Variants in LRCOL1 observed in about 807,000 individuals in gnomAD.
LRCOL1 encodes the protein leucine-rich colipase-like protein 1.
LRCOL1 carries 21 observed loss-of-function variants against 21.6 expected under a neutral mutation model. The observed-to-expected ratio is 0.97, with a 90% CI of 0.69 to 1.40. The LOEUF (loss-of-function observed/expected upper bound fraction) is 1.40. Ranked by LOEUF, LRCOL1 falls within the 40% of genes most tolerant of loss-of-function variation. The pLI is 0.00. For missense variants in LRCOL1, 198 were observed against 202.3 expected (o/e 0.98, Z 0.13); for synonymous variants, 98 against 90.1 (o/e 1.09, Z -0.49).
chr12:132,604,967 G>C lies in LRCOL1; in HGVS notation c.106-136C>G, dbSNP rs1256888092. 2.1e-6 allele frequency: 3 copies of C among 1,456,240 alleles called. No homozygotes were observed. The African/African-American group carries it at 4.2e-5, about 21-fold the overall frequency. The allele number at this position is 1,456,240 out of a possible 1,614,324, so 90.2% of individuals were successfully genotyped here. On this transcript the variant is annotated intron_variant, in intron 2 of 5. Coordinates refer to ENST00000376608, the MANE Select transcript of LRCOL1 (RefSeq NM_001195520.2). ...ACTTGGGTTTCCTGAGAAGTTTCTG[G>C]AACAAACCCAGACTGCCGTGGTTCT...
At chr12:132,603,746 C>T (rs2041259080) in intron 5 of LRCOL1, 4 of 985,456 alleles carry the variant, frequency 4.1e-6, no homozygotes, top group Non-Finnish European at 4.8e-6. Flanking sequence ...TGCGCCCCCA[C>T]CGCGTTTGCG....
At chr12:132,605,649 A>C (rs1168012482) in intron 2 of LRCOL1, among the ~76,000 whole-genome samples, 1 of 152,152 alleles carries the variant, frequency 6.6e-6, no homozygotes, top group East Asian at 1.9e-4. Flanking sequence ...GAATCGCCTG[A>C]ACCCAGAAGG....
intron 1 of LRCOL1, among the ~76,000 whole-genome samples, chr12:132,609,709 T>C (rs2041351698): frequency 6.6e-6 from 1 of 152,144 alleles, no homozygotes; most frequent in Non-Finnish European, 1.5e-5. Flanking sequence ...AAAAAAATTG[T>C]TAAAATGGTC....
In LRCOL1 at chr12:132,604,289, G is replaced by T; in HGVS notation, c.442C>A (p.Pro148Thr). ...LREYSPFRCI[P>T]RTGILAQCLP... Reference sequence around the variant, plus strand: ...CACTGGGCCAGGATCCCGGTCCGGGGAATGCAGCGGAAGGGGCTGTACTCC... The same window carrying T: ...CACTGGGCCAGGATCCCGGTCCGGGTAATGCAGCGGAAGGGGCTGTACTCC... The change falls in exon 5 of 6, where the codon CCC becomes ACC. Residue 148 changes from proline to threonine, a missense_variant. Transcript: ENST00000376608. The T allele has an allele frequency of 6.5e-7, 1 of 1,535,618 alleles. No individual in the cohort carries two copies. The highest frequency in any genetic ancestry group is 8.7e-7 in the Non-Finnish European group (1 of 1,146,762).
In LRCOL1 at chr12:132,603,265, A is replaced by G; in HGVS notation, c.*137T>C. 1 of 1,354,232 alleles carries G rather than the reference A, an allele frequency of 7.4e-7. No individual in the cohort carries two copies. The highest frequency in any genetic ancestry group is 1.0e-6 in the Non-Finnish European group (1 of 994,558). 83.9% of individuals were successfully genotyped at this position (1,354,232 alleles called of 1,614,324 possible). On this transcript the variant is annotated 3_prime_UTR_variant, in exon 6 of 6. Coordinates refer to ENST00000376608, the MANE Select transcript of LRCOL1 (RefSeq NM_001195520.2). ...GGCTGGTCACAGCCTTTCAGTTCCCACAGATTTTCAGAGCCCCAGAAACAG... is the reference window on the plus strand; with the variant it reads ...GGCTGGTCACAGCCTTTCAGTTCCCGCAGATTTTCAGAGCCCCAGAAACAG...
intron 2 of LRCOL1, chr12:132,605,863 G>A: frequency 2.1e-6 from 1 of 476,524 alleles, no homozygotes. Flanking sequence ...TCTCCTGCCT[G>A]GTTGACGGTG....
chr12:132,605,845 C>T (rs1158182088), intron 2 of LRCOL1: 2 of 426,348 alleles, frequency 4.7e-6, no homozygotes, highest in Non-Finnish European at 8.3e-6. Context: ...TCCCATGTGG[C>T]CCCGCTCTCT....
In LRCOL1 at chr12:132,606,369, T is replaced by C; in HGVS notation, c.-13-105A>G. 1 of 952,880 alleles carries C rather than the reference T, an allele frequency of 1.0e-6. No individual in the cohort carries two copies. Among genetic ancestry groups the C allele is most frequent in the Non-Finnish European group, 1.5e-6 (1 of 651,776 alleles). The allele number at this position is 952,880 out of a possible 1,614,324, so 59.0% of individuals were successfully genotyped here. A position where few individuals can be genotyped will look rare whatever the true frequency, so the allele number is the denominator to read the frequency against. On this transcript the variant is annotated intron_variant, in intron 1 of 5. Transcript: ENST00000376608. The surrounding 1 kb of genome is among the most constrained non-coding windows in gnomAD (Gnocchi z 4.6). ...CCCTTCCCATCCCTTCCCGATCCTT[T>C]CTCTTGCAAGACAGACTTTTAAAAA...
In LRCOL1 at chr12:132,604,778, G is replaced by A. The variant is rs2041281843; in HGVS notation, c.159C>T (p.Thr53=). ...RHEECQSNCC[T]INSLAPHTLC... ...GCGTGTGTGGGGCCAGGCTGTTGAT[G>A]GTACAGCAGTTGCTCTGGCACTCCT... Residue 53 remains threonine, a synonymous_variant, in exon 3 of 6, where the codon ACC becomes ACT. Coordinates refer to ENST00000376608, the MANE Select transcript of LRCOL1 (RefSeq NM_001195520.2). 9 of 1,536,164 alleles carry A rather than the reference G, an allele frequency of 5.9e-6. No homozygotes were observed. Among genetic ancestry groups the A allele is most frequent in the Non-Finnish European group, 7.8e-6 (9 of 1,146,906 alleles).
chr12:132,603,243 T>G lies in LRCOL1; in HGVS notation c.*159A>C. On this transcript the variant is annotated 3_prime_UTR_variant, in exon 6 of 6. Coordinates refer to ENST00000376608, the MANE Select transcript of LRCOL1 (RefSeq NM_001195520.2). ...TCACAGACACTTCGCGCCACCAGGC[T>G]GGTCACAGCCTTTCAGTTCCCACAG... 2 of 1,117,110 alleles carry G rather than the reference T, an allele frequency of 1.8e-6. No homozygotes were observed. Among genetic ancestry groups the G allele is most frequent in the Non-Finnish European group, 2.5e-6 (2 of 791,756 alleles). 69.2% of individuals were successfully genotyped at this position (1,117,110 alleles called of 1,614,324 possible).
At position 132,604,110 on chromosome 12, in the gene LRCOL1, G is replaced by A. The variant is rs1000549715; in HGVS notation, c.477+144C>T. 3.8e-5 allele frequency: 54 copies of A among 1,432,578 alleles called. No homozygotes were observed. The Middle Eastern group carries it at 7.7e-4, about 21-fold the overall frequency. 88.7% of individuals were successfully genotyped at this position (1,432,578 alleles called of 1,614,324 possible). The stretch of plus-strand genomic sequence containing the variant: ...CACCTTATGAGATGGGCGGTGAAGC[G>A]CCGGCCTCTCCCAGCAGGGGTGCCT... On this transcript the variant is annotated intron_variant, in intron 5 of 5. Coordinates refer to ENST00000376608, the MANE Select transcript of LRCOL1 (RefSeq NM_001195520.2).
intron 2 of LRCOL1, 73 bp from the exon 3 acceptor site, chr12:132,604,904 T>G: frequency 6.7e-7 from 1 of 1,503,536 alleles, no homozygotes; most frequent in Non-Finnish European, 8.9e-7. Context: ...AGGAAAGGCC[T>G]GCCCTCTCCT....
intron 4 of LRCOL1, 28 bp from the exon 5 acceptor site, chr12:132,604,404 G>A (rs1464077357): frequency 6.5e-7 from 1 of 1,534,052 alleles, no homozygotes; most frequent in Non-Finnish European, 8.7e-7. Flanking sequence ...CAGCAGTCGT[G>A]GAGAGGGGCT....
intron 5 of LRCOL1, chr12:132,604,025 C>G (rs527612075): frequency 1.1e-4 from 157 of 1,380,396 alleles, no homozygotes; most frequent in Non-Finnish European, 1.4e-4. Flanking sequence ...TGACCGGGCA[C>G]CCGTGCCCTG....
Position 132,607,638 on chromosome 12 carries a change from CCT to C in LRCOL1, c.-13-1376_-13-1375del, listed in dbSNP as rs946758012. ...GTCTCTCTGTCTCTCCCTCTGTCTCCCTCTCTCTGTCTCTTTCTGTCTCTGTC... is the reference window on the plus strand; with the variant it reads ...GTCTCTCTGTCTCTCCCTCTGTCTCCCTCTCTGTCTCTTTCTGTCTCTGTC... On this transcript the variant is annotated intron_variant, in intron 1 of 5. Coordinates refer to ENST00000376608, the MANE Select transcript of LRCOL1 (RefSeq NM_001195520.2). Among the ~76,000 whole-genome samples, 17 of 144,074 alleles carry C rather than the reference CCT, an allele frequency of 1.2e-4. 1 individual carries two copies. The highest frequency in any genetic ancestry group is 9.6e-4 in the Admixed American group (14 of 14,642). The allele number at this position is 144,074 out of a possible 152,430, so 94.5% of individuals were successfully genotyped here.
At chr12:132,608,069 TAA>T (rs2041335730) in intron 1 of LRCOL1, among the ~76,000 whole-genome samples, 2 of 152,174 alleles carry the variant, frequency 1.3e-5, no homozygotes, top group African/African-American at 4.8e-5. Context: ...TTATTTTTCT[TAA>T]ATTCCTCATG....
At position 132,604,270 on chromosome 12, in the gene LRCOL1, G is replaced by A. The variant is rs1302677329; in HGVS notation, c.461C>T (p.Ala154Val). Residue 154 changes from alanine to valine, a missense_variant, in exon 5 of 6, where the codon GCC becomes GTC. Physicochemically the swap from Ala to Val is moderately conservative, Grantham distance 64. Coordinates refer to ENST00000376608, the MANE Select transcript of LRCOL1 (RefSeq NM_001195520.2). ...GGGACTTACCAGGGGCAGGCACTGG[G>A]CCAGGATCCCGGTCCGGGGAATGCA... ...FRCIPRTGIL[A>V]QCLPL The A allele has an allele frequency of 5.9e-6, 9 of 1,534,796 alleles. No homozygotes were observed. In the Admixed American group the frequency reaches 1.4e-4, roughly 23 times the overall value.
At position 132,610,530 on chromosome 12, in the gene LRCOL1, CAT is replaced by C. The variant is rs1240359055; in HGVS notation, c.-223_-222del. On this transcript the variant is annotated 5_prime_UTR_variant, in exon 1 of 6. It removes an upstream start codon present in the reference 5' UTR. Transcript: ENST00000376608. ...CAGGAGAAAGACGCTCATCTCCCCA[CAT>C]GAGAGGCTCAGTGTAGGCGTCTGGA... The C allele has an allele frequency of 6.6e-6, 1 of 152,292 alleles. No individual in the cohort carries two copies. Among genetic ancestry groups the C allele is most frequent in the African/African-American group, 2.4e-5 (1 of 41,454 alleles). 9.4% of individuals were successfully genotyped at this position (152,292 alleles called of 1,614,324 possible).
intron 5 of LRCOL1, chr12:132,603,873 G>A (rs1593647978): frequency 8.5e-7 from 1 of 1,179,142 alleles, no homozygotes; most frequent in East Asian, 4.6e-5. Context: ...GAGGTCGGGG[G>A]AGGGAGGGGA....
Sources: allele counts gnomAD v4.1 joint callset (sites outside exome capture counted in the v4.1 genomes callset), GRCh38; gene constraint gnomAD v4.1.1; non-coding constraint Gnocchi (gnomAD v3.1); transcripts MANE v1.5; gene names NCBI Gene and HGNC (gene_info 2026-07-23, HGNC 2026-07-21).